The following PDZRN4 variants were observed in gnomAD, a reference collection of about 807,000 sequenced individuals.
PDZRN4 encodes the protein PDZ domain-containing RING finger protein 4.
PDZRN4 carries 70 observed loss-of-function variants against 99.0 expected under a neutral mutation model. The ratio of observed to expected loss-of-function variants is 0.71; its 90% CI spans 0.58 to 0.86. PDZRN4 has a LOEUF of 0.86. Among genes scored for constraint, PDZRN4 ranks in the 40% least tolerant of loss-of-function variants. The pLI, the probability that PDZRN4 is intolerant of heterozygous loss-of-function variation, is 0.00. For missense variants in PDZRN4, 1,474 were observed against 1,331.2 expected, an observed-to-expected ratio of 1.11 and a Z score of -1.67; for synonymous variants, 551 against 501.6, an observed-to-expected ratio of 1.10 and a Z score of -1.32.
At chr12:41,523,059 T>C (rs1382754835) in intron 5 of PDZRN4, among the ~76,000 whole-genome samples, 2 of 152,042 alleles carry the variant, frequency 1.3e-5, no homozygotes, top group African/African-American at 4.8e-5. Context: ...TGAAGTGCAC[T>C]CAAATCAGAC....
At chr12:41,497,937 G>A (rs1439196682) in intron 3 of PDZRN4, among the ~76,000 whole-genome samples, 3 of 151,946 alleles carry the variant, frequency 2.0e-5, no homozygotes, top group South Asian at 2.1e-4. Context: ...ATTACAGCAT[G>A]AATCTATTTT....
intron 3 of PDZRN4, among the ~76,000 whole-genome samples, chr12:41,391,121 C>T (rs778234342): frequency 2.1e-4 from 32 of 152,256 alleles, no homozygotes; most frequent in Non-Finnish European, 3.7e-4. Context: ...ATTTCTTATG[C>T]TTCACCTGTT....
chr12:41,573,934 C>T lies in PDZRN4; in HGVS notation c.*44C>T. On this transcript the variant is annotated 3_prime_UTR_variant, in exon 10 of 10. Coordinates refer to ENST00000402685, the MANE Select transcript of PDZRN4 (RefSeq NM_001164595.2). The stretch of plus-strand genomic sequence containing the variant: ...TGCGACTGATTTTAGGAGGATGCTA[C>T]CAGTTTCGGTAGAGTATGATTGCCT... 1 of 1,358,648 alleles carries T rather than the reference C, an allele frequency of 7.4e-7. No homozygotes were observed. Among genetic ancestry groups the T allele is most frequent in the Non-Finnish European group, 1.0e-6 (1 of 999,458 alleles). 84.2% of individuals were successfully genotyped at this position (1,358,648 alleles called of 1,614,324 possible).
chr12:41,557,964 G>A (rs1939196721), intron 7 of PDZRN4, among the ~76,000 whole-genome samples: 1 of 152,130 alleles, frequency 6.6e-6, no homozygotes, highest in Non-Finnish European at 1.5e-5. Context: ...ATCAATGAAT[G>A]AAACCAGGGT....
chr12:41,555,273 A>T (rs1431301018), intron 6 of PDZRN4, among the ~76,000 whole-genome samples: 1 of 150,152 alleles, frequency 6.7e-6, no homozygotes. Flanking sequence ...ACGGACTTAC[A>T]CTACAGCTAT....
At chr12:41,526,044 C>T (rs1452062273) in intron 5 of PDZRN4, among the ~76,000 whole-genome samples, 1 of 152,148 alleles carries the variant, frequency 6.6e-6, no homozygotes, top group Admixed American at 6.5e-5. Flanking sequence ...CTTCCACTAC[C>T]TTATAATCTC....
intron 3 of PDZRN4, among the ~76,000 whole-genome samples, chr12:41,423,675 T>G (rs997641872): frequency 6.6e-6 from 1 of 152,126 alleles, no homozygotes; most frequent in Non-Finnish European, 1.5e-5. Context: ...AAAACAGAAG[T>G]TTTCTGTTTA....
intron 3 of PDZRN4, among the ~76,000 whole-genome samples, chr12:41,260,058 A>G (rs934679389): frequency 2.0e-5 from 3 of 152,150 alleles, no homozygotes; most frequent in Non-Finnish European, 4.4e-5. Context: ...ATTGTTTTGT[A>G]TTAGGTTAAT....
chr12:41,469,826 A>T (rs978495577), intron 3 of PDZRN4, among the ~76,000 whole-genome samples: 1 of 152,164 alleles, frequency 6.6e-6, no homozygotes, highest in Non-Finnish European at 1.5e-5. Flanking sequence ...GCTACTTGGG[A>T]GGCTGAGGCG....
intron 3 of PDZRN4, among the ~76,000 whole-genome samples, chr12:41,350,735 G>A (rs772347946): frequency 1.1e-4 from 17 of 152,060 alleles, no homozygotes; most frequent in Non-Finnish European, 2.4e-4. Flanking sequence ...AGCTTAGAAA[G>A]TTACATACAT....
At chr12:41,326,192 G>A (rs1396628640) in intron 3 of PDZRN4, among the ~76,000 whole-genome samples, 5 of 151,538 alleles carry the variant, frequency 3.3e-5, no homozygotes, top group African/African-American at 1.2e-4. Context: ...TGCCCAGGGT[G>A]GTCTCAAATT....
At position 41,188,950 on chromosome 12, in the gene PDZRN4, C is replaced by T; in HGVS notation, c.495C>T (p.Leu165=). The change falls in exon 1 of 10, where the codon CTC becomes CTT. Residue 165 remains leucine (L), a synonymous_variant. Coordinates refer to ENST00000402685, the MANE Select transcript of PDZRN4 (RefSeq NM_001164595.2). ...GGCGGGGACCCGGGCCTCGGGTCCT[C>T]GCCTGGAGGCGGCGCGAGAAGGCGC... ...GRGRGPGPRV[L]AWRRREKALL... is the part of the protein sequence containing the mutation. The T allele has an allele frequency of 1.4e-6, 2 of 1,442,344 alleles. No homozygotes were observed. Among genetic ancestry groups the T allele is most frequent in the Non-Finnish European group, 1.8e-6 (2 of 1,097,936 alleles). The allele number at this position is 1,442,344 out of a possible 1,614,324, so 89.3% of individuals were successfully genotyped here.
At chr12:41,311,111 C>A (rs1165665516) in intron 3 of PDZRN4, among the ~76,000 whole-genome samples, 2 of 152,084 alleles carry the variant, frequency 1.3e-5, no homozygotes, top group Non-Finnish European at 2.9e-5. Context: ...ATTTGATTAT[C>A]CTTGTCAACA....
chr12:41,316,456 A>ATGTGTG (rs71081722), intron 3 of PDZRN4, among the ~76,000 whole-genome samples: 9,291 of 144,438 alleles, frequency 0.064, 367 homozygotes, highest in Admixed American at 0.1. Flanking sequence ...AAAAAGGCAA[A>ATGTGTG]TGTGTGTGTG....
chr12:41,529,032 T>C (rs1241905832), intron 5 of PDZRN4, among the ~76,000 whole-genome samples: 1 of 152,222 alleles, frequency 6.6e-6, no homozygotes, highest in African/African-American at 2.4e-5. Context: ...ATGTTGAATT[T>C]CATCCACTTT....
chr12:41,235,084 A>C (rs1051448344), intron 3 of PDZRN4, among the ~76,000 whole-genome samples: 35 of 152,160 alleles, frequency 2.3e-4, no homozygotes, highest in Admixed American at 6.6e-5. Context: ...AATATGCTGA[A>C]TTCCTAAATA....
Position 41,563,734 on chromosome 12 carries a change from A to T in PDZRN4, c.1467+85A>T, listed in dbSNP as rs575889569. The stretch of plus-strand genomic sequence containing the variant: ...GTAAATTCGTGAATGAATTATATTC[A>T]TTATCTGCTATTCTCTATCAAATCA... On this transcript the variant is annotated intron_variant, in intron 8 of 9. Transcript: ENST00000402685. 9 of 859,166 alleles carry T rather than the reference A, an allele frequency of 1.0e-5. No individual in the cohort carries two copies. The South Asian group carries it at 1.3e-4, about 12-fold the overall frequency. The allele number at this position is 859,166 out of a possible 1,614,324, so 53.2% of individuals were successfully genotyped here. A position where few individuals can be genotyped will look rare whatever the true frequency, so the allele number is the denominator to read the frequency against.
intron 3 of PDZRN4, among the ~76,000 whole-genome samples, chr12:41,233,966 G>T (rs1373288928): frequency 1.3e-5 from 2 of 151,208 alleles, no homozygotes; most frequent in South Asian, 2.1e-4. Context: ...AAAAAACAAA[G>T]AAATCTGTTT....
chr12:41,490,832 A>G (rs752224788), intron 3 of PDZRN4, among the ~76,000 whole-genome samples: 2 of 152,078 alleles, frequency 1.3e-5, no homozygotes, highest in Non-Finnish European at 2.9e-5. Context: ...CACACATTTC[A>G]AGAAATTCCC....
Sources: allele counts gnomAD v4.1 joint callset (sites outside exome capture counted in the v4.1 genomes callset), GRCh38; gene constraint gnomAD v4.1.1; transcripts MANE v1.5; gene names NCBI Gene and HGNC (gene_info 2026-07-23, HGNC 2026-07-21).